MTSS1: variants seen among roughly 807,000 people sequenced by gnomAD.
MTSS1 encodes MTSS I-BAR domain containing 1.
Under a neutral mutation model 79.0 loss-of-function variants are expected in MTSS1, and 18 were observed. The ratio of observed to expected loss-of-function variants is 0.23; its 90% confidence interval spans 0.16 to 0.34. MTSS1 has a LOEUF of 0.34. MTSS1 is among the 10% of genes least tolerant of loss of function. The pLI, the probability that MTSS1 is intolerant of heterozygous loss-of-function variation, is 1.00. For missense variants in MTSS1, 815 were observed against 986.2 expected, an observed-to-expected ratio of 0.83 and a Z score of 2.33; for synonymous variants, 341 against 368.6, an observed-to-expected ratio of 0.93 and a Z score of 0.86.
At chr8:124,646,901 T>A (rs930544175) in intron 3 of MTSS1, among the ~76,000 whole-genome samples, 1 of 151,682 alleles carries the variant, frequency 6.6e-6, no homozygotes, top group African/African-American at 2.4e-5. Context: ...CACTGCAGCC[T>A]CGAACTCTGG....
chr8:124,573,209 C>G (rs1828229916), intron 6 of MTSS1, among the ~76,000 whole-genome samples: 1 of 152,252 alleles, frequency 6.6e-6, no homozygotes, highest in Admixed American at 6.5e-5. Context: ...CTCTCCCTCT[C>G]TCCTCTCCCT....
At chr8:124,655,976 T>C (rs1472378725) in intron 3 of MTSS1, among the ~76,000 whole-genome samples, 1 of 152,118 alleles carries the variant, frequency 6.6e-6, no homozygotes, top group Non-Finnish European at 1.5e-5. Context: ...AAAACCTACT[T>C]AGGAGGTTGA....
intron 3 of MTSS1, among the ~76,000 whole-genome samples, chr8:124,671,018 T>C (rs1226466341): frequency 6.6e-6 from 1 of 150,490 alleles, no homozygotes; most frequent in Non-Finnish European, 1.5e-5. Flanking sequence ...ATCATGGCTA[T>C]GATCTTCTAG....
intron 5 of MTSS1, among the ~76,000 whole-genome samples, chr8:124,587,221 T>C (rs1831017918): frequency 6.6e-6 from 1 of 152,178 alleles, no homozygotes; most frequent in Non-Finnish European, 1.5e-5. Flanking sequence ...GTCCCTGGCA[T>C]GCAGCAGATG....
At chr8:124,671,108 G>A (rs1824107576) in intron 3 of MTSS1, among the ~76,000 whole-genome samples, 1 of 150,730 alleles carries the variant, frequency 6.6e-6, no homozygotes, top group Non-Finnish European at 1.5e-5. Flanking sequence ...GGGGTAGATT[G>A]CTCCAACCAC....
intron 3 of MTSS1, among the ~76,000 whole-genome samples, chr8:124,592,152 A>G (rs946413367): frequency 2.0e-5 from 3 of 152,120 alleles, no homozygotes; most frequent in Admixed American, 2.0e-4. Context: ...ATAATGAAGG[A>G]AGTTGCAGCC....
At chr8:124,692,346 A>G (rs1207356987) in intron 3 of MTSS1, among the ~76,000 whole-genome samples, 1 of 151,392 alleles carries the variant, frequency 6.6e-6, no homozygotes, top group Non-Finnish European at 1.5e-5. Flanking sequence ...ATGTGCCCCC[A>G]TAACATGTGG....
rs186232987 is a variant in MTSS1 at position 124,663,792 on chromosome 8, G to C, written c.208+35734C>G. On this transcript the variant is annotated intron_variant, in intron 3 of 13. Transcript: ENST00000518547. ...GCACAGTGAATACAAAGATGAGTAAGACGTGGTCCCATTCCTCAAGGAGGG... is the reference window on the plus strand; with the variant it reads ...GCACAGTGAATACAAAGATGAGTAACACGTGGTCCCATTCCTCAAGGAGGG... 1.3e-3 allele frequency among the ~76,000 whole-genome samples: 203 copies of C among 152,246 alleles called. 1 individual carries two copies. Among genetic ancestry groups the C allele is most frequent in the African/African-American group, 4.7e-3 (196 of 41,542 alleles).
intron 3 of MTSS1, among the ~76,000 whole-genome samples, chr8:124,676,147 T>C (rs1825248733): frequency 6.6e-6 from 1 of 152,226 alleles, no homozygotes; most frequent in Admixed American, 6.5e-5. Flanking sequence ...ATGAAGCGTT[T>C]GTGAAGGAAT....
intron 1 of MTSS1, among the ~76,000 whole-genome samples, chr8:124,709,836 T>C (rs1341986259): frequency 6.6e-6 from 1 of 152,200 alleles, no homozygotes; most frequent in African/African-American, 2.4e-5. Flanking sequence ...TTCAGCAATA[T>C]TGAAAACTCC....
chr8:124,655,084 AG>A (rs1447949995), intron 3 of MTSS1, among the ~76,000 whole-genome samples: 1 of 152,218 alleles, frequency 6.6e-6, no homozygotes, highest in Non-Finnish European at 1.5e-5. Context: ...CCCCCTAAAC[AG>A]CAGAGCAGAA....
chr8:124,563,761 T>C (rs1187834177), intron 9 of MTSS1, among the ~76,000 whole-genome samples: 1 of 152,190 alleles, frequency 6.6e-6, no homozygotes, highest in African/African-American at 2.4e-5. Flanking sequence ...GCTCTTGAAA[T>C]GGCACAGTAA....
At chr8:124,656,503 G>A (rs1820969479) in intron 3 of MTSS1, among the ~76,000 whole-genome samples, 1 of 151,010 alleles carries the variant, frequency 6.6e-6, no homozygotes, top group Non-Finnish European at 1.5e-5. Flanking sequence ...TGGGCACAGT[G>A]GCTCACGCCT....
intron 1 of MTSS1, among the ~76,000 whole-genome samples, chr8:124,725,458 T>C (rs952374446): frequency 1.6e-4 from 25 of 152,210 alleles, no homozygotes; most frequent in Non-Finnish European, 3.7e-4. Context: ...ATTTTCCTTA[T>C]CCTTTTCTCA....
In MTSS1 at chr8:124,608,052, T is replaced by C. The variant is rs532217218; in HGVS notation, c.209-16817A>G. 2.0e-3 allele frequency among the ~76,000 whole-genome samples: 305 copies of C among 152,086 alleles called. 14 individuals carry two copies. The South Asian group carries it at 0.061, about 30-fold the overall frequency. On this transcript the variant is annotated intron_variant, in intron 3 of 13. Transcript: ENST00000518547. ...AAACATTTTCCCAGTCTTGCCCAATTACCATGAAAATGGGACATGATTCTA... is the reference window on the plus strand; with the variant it reads ...AAACATTTTCCCAGTCTTGCCCAATCACCATGAAAATGGGACATGATTCTA...
At chr8:124,661,409 A>C (rs1343475873) in intron 3 of MTSS1, among the ~76,000 whole-genome samples, 1 of 152,136 alleles carries the variant, frequency 6.6e-6, no homozygotes, top group Non-Finnish European at 1.5e-5. Flanking sequence ...GACAAAGAGC[A>C]AGTTCATGAA....
intron 3 of MTSS1, among the ~76,000 whole-genome samples, chr8:124,604,890 C>T (rs942646869): frequency 6.6e-6 from 1 of 152,186 alleles, no homozygotes; most frequent in African/African-American, 2.4e-5. Context: ...CACCATCTGG[C>T]GGCTTCAGAC....
chr8:124,641,581 C>G (rs1003259962), intron 3 of MTSS1, among the ~76,000 whole-genome samples: 1 of 152,184 alleles, frequency 6.6e-6, no homozygotes, highest in African/African-American at 2.4e-5. Context: ...ATCGTGGTAT[C>G]TCTCTCCCAC....
At chr8:124,660,728 C>A (rs192647900) in intron 3 of MTSS1, among the ~76,000 whole-genome samples, 1 of 152,282 alleles carries the variant, frequency 6.6e-6, no homozygotes, top group Non-Finnish European at 1.5e-5. Context: ...TATCAGTGTT[C>A]TAAAATTCTG....
Sources: allele counts gnomAD v4.1 joint callset (sites outside exome capture counted in the v4.1 genomes callset), GRCh38; gene constraint gnomAD v4.1.1; transcripts MANE v1.5; gene names NCBI Gene and HGNC (gene_info 2026-07-23, HGNC 2026-07-21).